The following ANK1 variants were observed in gnomAD, a reference collection of about 807,000 sequenced individuals.
ANK1 encodes ankyrin-1.
In ANK1, 51 loss-of-function variants were observed where a neutral mutation model predicts 210.4. The observed-to-expected ratio is 0.24, with a 90% CI of 0.19 to 0.31. The LOEUF is 0.31. ANK1 is among the 10% of genes least tolerant of loss of function. The pLI, the probability that ANK1 is intolerant of heterozygous loss-of-function variation, is 1.00. For missense variants in ANK1, 2,051 were observed against 2,504.4 expected, an observed-to-expected ratio of 0.82 and a Z score of 3.86; for synonymous variants, 967 against 1,025.9, an observed-to-expected ratio of 0.94 and a Z score of 1.10.
chr8:41,728,730 A>G (rs550051437), intron 3 of ANK1, among the ~76,000 whole-genome samples: 28 of 152,312 alleles, frequency 1.8e-4, no homozygotes, highest in African/African-American at 6.5e-4. Flanking sequence ...AAAAATTTTT[A>G]TAAAAGAAAA....
upstream of ANK1, among the ~76,000 whole-genome samples, chr8:41,801,875 T>C (rs76895529): frequency 0.029 from 4,409 of 152,304 alleles, 165 homozygotes; most frequent in African/African-American, 0.09. Context: ...GTCAAATATG[T>C]TGATCATTTT....
chr8:41,708,659 C>T, intron 17 of ANK1, 119 bp downstream of exon 17: 1 of 1,136,108 alleles, frequency 8.8e-7, no homozygotes, highest in Non-Finnish European at 1.3e-6. Context: ...CAGGGCTGTT[C>T]CAAGGATTAC....
intron 1 of ANK1, among the ~76,000 whole-genome samples, chr8:41,858,545 A>C (rs1812645719): frequency 6.6e-6 from 1 of 152,150 alleles, no homozygotes; most frequent in Non-Finnish European, 1.5e-5. Flanking sequence ...CCTCGGGTGC[A>C]AACAGTCAGT....
intron 1 of ANK1, among the ~76,000 whole-genome samples, chr8:41,895,780 A>G (rs139196109): frequency 3.0e-3 from 453 of 151,956 alleles, no homozygotes; most frequent in African/African-American, 0.01. Flanking sequence ...CCGGAGGGTC[A>G]GGAAAGGTGC....
intron 17 of ANK1, among the ~76,000 whole-genome samples, chr8:41,708,023 G>A (rs573385492): frequency 1.2e-4 from 18 of 152,296 alleles, no homozygotes; most frequent in Non-Finnish European, 2.2e-4. Flanking sequence ...GGCTCTGGGG[G>A]AAATGAGAAG....
intron 1 of ANK1, among the ~76,000 whole-genome samples, chr8:41,764,351 T>C (rs1313999856): frequency 6.6e-6 from 1 of 152,194 alleles, no homozygotes; most frequent in African/African-American, 2.4e-5. Flanking sequence ...TGACCTGTCC[T>C]CAGTACATCC....
intron 9 of ANK1, among the ~76,000 whole-genome samples, chr8:41,722,817 T>C (rs1586456976): frequency 6.6e-6 from 1 of 152,188 alleles, no homozygotes; most frequent in African/African-American, 2.4e-5. Context: ...CTAGTTTGCA[T>C]ATTGCCTGTG....
intron 1 of ANK1, among the ~76,000 whole-genome samples, chr8:41,844,991 G>A (rs551521685): frequency 6.6e-5 from 10 of 152,252 alleles, no homozygotes; most frequent in African/African-American, 9.6e-5. Context: ...ATTGCAACGC[G>A]GAAAAGCTGC....
At position 41,695,313 on chromosome 8, in the gene ANK1, G is replaced by T; in HGVS notation, c.2979C>A (p.Ile993=). 1 of 1,614,034 alleles carries T rather than the reference G, an allele frequency of 6.2e-7. No homozygotes were observed. Among genetic ancestry groups the T allele is most frequent in the Non-Finnish European group, 8.5e-7 (1 of 1,180,032 alleles). ...AQFLSPVIVE[I]PHFASHGRGD... ...CACGGCCATGGGAGGCAAAGTGCGG[G>T]ATCTCCACGATTACAGGGCTGAGGC... is the stretch of plus-strand genomic sequence containing the variant. The change falls in exon 27 of 43, where the codon ATC becomes ATA. Residue 993 remains isoleucine, a synonymous_variant. Coordinates refer to ENST00000289734, the MANE Select transcript of ANK1 (RefSeq NM_000037.4).
In ANK1 at chr8:41,716,812, C is replaced by G; in HGVS notation, c.1404+141G>C. The G allele has an allele frequency of 4.7e-6, 4 of 846,580 alleles. No individual in the cohort carries two copies. The South Asian group carries it at 5.4e-5, about 11-fold the overall frequency. 52.4% of individuals were successfully genotyped at this position (846,580 alleles called of 1,614,324 possible). On this transcript the variant is annotated intron_variant, in intron 13 of 42. Transcript: ENST00000289734. ...AACCCCCTGCAAAGCAGAATCTGGGCGCTCAGAGTGACCTGATCAGGATGA... is the reference window on the plus strand; with the variant it reads ...AACCCCCTGCAAAGCAGAATCTGGGGGCTCAGAGTGACCTGATCAGGATGA...
chr8:41,688,374 T>C lies in ANK1; in HGVS notation c.4183+137A>G, dbSNP rs1818279020. 5 of 1,421,116 alleles carry C rather than the reference T, an allele frequency of 3.5e-6. No homozygotes were observed. In the South Asian group the frequency reaches 5.8e-5, roughly 16 times the overall value. 88.0% of individuals were successfully genotyped at this position (1,421,116 alleles called of 1,614,324 possible). A position where few individuals can be genotyped will look rare whatever the true frequency, so the allele number is the denominator to read the frequency against. ...CTGCAAGATCAGGGGAAGACCCGAG[T>C]CAGCTCTGCAGCTGCTTTTGGAACT... On this transcript the variant is annotated intron_variant, in intron 34 of 42. Coordinates refer to ENST00000289734, the MANE Select transcript of ANK1 (RefSeq NM_000037.4).
intron 1 of ANK1, among the ~76,000 whole-genome samples, chr8:41,858,767 AG>A (rs1438646906): frequency 6.6e-6 from 1 of 152,226 alleles, no homozygotes; most frequent in African/African-American, 2.4e-5. Flanking sequence ...CCAGCTTCAC[AG>A]TTTGTTGTGT....
chr8:41,655,305 C>CTTT lies in ANK1; in HGVS notation c.*482_*484dup, dbSNP rs5891167. 14 of 145,430 alleles carry CTTT rather than the reference C, an allele frequency of 9.6e-5. No individual in the cohort carries two copies. Among genetic ancestry groups the CTTT allele is most frequent in the Admixed American group, 3.3e-4 (5 of 14,966 alleles). 9.0% of individuals were successfully genotyped at this position (145,430 alleles called of 1,614,324 possible). ...TTAAACTGATTTCATGCCTAGTTTT[C>CTTT]TTTTTTTTTTTTTTCTTTCCAGGAA... On this transcript the variant is annotated 3_prime_UTR_variant, in exon 43 of 43. Coordinates refer to ENST00000289734, the MANE Select transcript of ANK1 (RefSeq NM_000037.4).
Position 41,890,019 on chromosome 8 carries a change from C to A in ANK1, c.126+6336G>T, listed in dbSNP as rs181563282. On this transcript the variant is annotated intron_variant, in intron 1 of 42. Coordinates refer to the ANK1 transcript ENST00000265709. ...CAGTACTGAAAGAATAACAAGCTGG[C>A]CTTCCCCGGCAAACCTCAAGACTTC... Among the ~76,000 whole-genome samples the A allele has an allele frequency of 1.7e-3, 261 of 152,302 alleles. 1 individual carries two copies. The highest frequency in any genetic ancestry group is 6.0e-3 in the African/African-American group (249 of 41,556).
At chr8:41,822,091 AGAGAGAGAG>A (rs1563844589) in intron 1 of ANK1, among the ~76,000 whole-genome samples, 1,329 of 56,536 alleles carry the variant, frequency 0.024, 31 homozygotes, top group Non-Finnish European at 0.029. Context: ...AGAGAGAGAG[AGAGAGAGAG>A]AGAGAGAGAG....
At chr8:41,705,416 G>A (rs1286319400) in intron 18 of ANK1, among the ~76,000 whole-genome samples, 12 of 152,218 alleles carry the variant, frequency 7.9e-5, no homozygotes, top group Non-Finnish European at 1.3e-4. Flanking sequence ...GAAGCTGCAG[G>A]CAGTTGGAGA....
At chr8:41,829,186 C>T (rs1806107501) in intron 1 of ANK1, 1 of 152,248 alleles carries the variant, frequency 6.6e-6, no homozygotes, top group Non-Finnish European at 1.5e-5. Flanking sequence ...AGATCTGTGA[C>T]TCGGCTTTCA....
chr8:41,787,826 A>AAGGC (rs1339412654), intron 1 of ANK1, among the ~76,000 whole-genome samples: 5 of 151,944 alleles, frequency 3.3e-5, no homozygotes, highest in Non-Finnish European at 2.9e-5. Flanking sequence ...AAGAAGAAAG[A>AAGGC]AGGCAGGCAG....
chr8:41,792,142 C>T (rs1467631722), intron 1 of ANK1, among the ~76,000 whole-genome samples: 3 of 152,190 alleles, frequency 2.0e-5, no homozygotes, highest in Non-Finnish European at 4.4e-5. Flanking sequence ...TCAGCCTCTG[C>T]TCAGAGAGCA....
Sources: gnomAD v4.1 joint callset for allele counts (sites outside exome capture counted in the v4.1 genomes callset) on GRCh38, gnomAD v4.1.1 for gene constraint, MANE v1.5 for transcripts, NCBI Gene and HGNC (gene_info 2026-07-23, HGNC 2026-07-21) for gene names.